The following DCLK1 variants were observed in gnomAD, a reference collection of about 807,000 sequenced individuals.
The protein encoded by DCLK1 is doublecortin like kinase 1, also known as serine/threonine-protein kinase DCLK1.
A neutral mutation model predicts 86.2 loss-of-function variants in DCLK1; 16 were observed. That is an observed-to-expected ratio of 0.19 (90% confidence interval 0.13 to 0.28). DCLK1 has a LOEUF of 0.28. DCLK1 is among the 10% of genes least tolerant of loss of function. The probability of loss-of-function intolerance (pLI) is 1.00; values close to 1 mark genes in which losing one functional copy is unlikely to be tolerated. For synonymous variants in DCLK1, 369 were observed against 370.5 expected (o/e 1.00, Z 0.05); for missense variants, 590 against 940.2 (o/e 0.63, Z 4.87).
At chr13:35,869,255 T>C (rs1198530303) in intron 5 of DCLK1, 1 of 393,154 alleles carries the variant, frequency 2.5e-6, no homozygotes, top group Non-Finnish European at 5.2e-6. Flanking sequence ...GTGGAGGTCC[T>C]CTTCTCTGTG....
chr13:35,839,757 A>T lies in DCLK1; in HGVS notation c.1036-581T>A, dbSNP rs527840088. Among the ~76,000 whole-genome samples the T allele has an allele frequency of 3.3e-5, 5 of 150,350 alleles. No individual in the cohort carries two copies. The South Asian group carries it at 1.1e-3, about 32-fold the overall frequency. On this transcript the variant is annotated intron_variant, in intron 6 of 16. Transcript: ENST00000360631. ...TGTTAAACGTTACATAATAAGTCTG[A>T]AGTAAAGACAACAATAAAAGCCTAG...
chr13:35,775,582 C>A (rs1030394282), intron 16 of DCLK1, among the ~76,000 whole-genome samples: 4 of 151,990 alleles, frequency 2.6e-5, no homozygotes, highest in East Asian at 3.9e-4. Flanking sequence ...TACAGAGAAA[C>A]CTTACACAGA....
intron 10 of DCLK1, among the ~76,000 whole-genome samples, chr13:35,824,934 C>T (rs2087484210): frequency 6.6e-6 from 1 of 152,096 alleles, no homozygotes; most frequent in African/African-American, 2.4e-5. Context: ...CTGAAGTGTC[C>T]CATCCCCTCC....
intron 8 of DCLK1, 46 bp downstream of exon 8, chr13:35,835,987 G>T: frequency 7.3e-7 from 1 of 1,365,960 alleles, no homozygotes; most frequent in Non-Finnish European, 1.0e-6. Context: ...AAAACATAAC[G>T]CCAAATGTAA....
At chr13:35,978,350 C>T (rs532384557) in intron 3 of DCLK1, among the ~76,000 whole-genome samples, 196 of 151,630 alleles carry the variant, frequency 1.3e-3, no homozygotes, top group Non-Finnish European at 2.3e-3. Context: ...GAATTACAGG[C>T]ACGCGACATC....
In DCLK1 at chr13:35,808,228, G is replaced by T; in HGVS notation, c.1859C>A (p.Ala620Glu). Residue 620 changes from alanine to glutamate, a missense_variant, in exon 14 of 17, where the codon GCA becomes GAA. By Grantham distance (107) the Ala-to-Glu change is moderately radical. Around this residue, in one of 6 missense-constraint regions of DCLK1, gnomAD observed 146 missense variants for 190.2 expected, o/e 0.77. Transcript: ENST00000360631. ...SPYWDNVSDS[A>E]KELITMMLLV... ...AGGAAGGCACTGGACACCTACCTTT[G>T]CAGAATCGGAAACATTATCCCAGTA... The T allele has an allele frequency of 6.2e-7, 1 of 1,613,966 alleles. No homozygotes were observed. Among genetic ancestry groups the T allele is most frequent in the Non-Finnish European group, 8.5e-7 (1 of 1,179,898 alleles).
chr13:35,919,460 C>A (rs976340575), intron 4 of DCLK1, among the ~76,000 whole-genome samples: 18 of 151,982 alleles, frequency 1.2e-4, no homozygotes, highest in Non-Finnish European at 2.2e-4. Context: ...TATGCAGAGC[C>A]CAAATGTTTA....
At chr13:35,850,390 A>G (rs373294429) in intron 6 of DCLK1, 3 of 1,022,306 alleles carry the variant, frequency 2.9e-6, no homozygotes, top group African/African-American at 3.4e-5. Context: ...TTCTGGCTCT[A>G]TATTGCCACA....
intron 3 of DCLK1, among the ~76,000 whole-genome samples, chr13:35,959,958 T>C (rs1878369113): frequency 6.6e-6 from 1 of 152,112 alleles, no homozygotes; most frequent in South Asian, 2.1e-4. Context: ...TACATTCCTG[T>C]CCTGGGAAAG....
chr13:35,861,356 A>T (rs188093362), intron 5 of DCLK1, among the ~76,000 whole-genome samples: 2 of 152,192 alleles, frequency 1.3e-5, no homozygotes, highest in Admixed American at 1.3e-4. Context: ...TATGGTCATG[A>T]TAGGGGAATT....
intron 3 of DCLK1, among the ~76,000 whole-genome samples, chr13:36,047,133 A>G (rs559653637): frequency 1.3e-5 from 2 of 152,374 alleles, no homozygotes; most frequent in East Asian, 1.9e-4. Context: ...ACAATGAGAT[A>G]TCTCACACCT....
chr13:35,818,418 C>G (rs2087317900), intron 11 of DCLK1, among the ~76,000 whole-genome samples: 1 of 152,148 alleles, frequency 6.6e-6, no homozygotes, highest in Non-Finnish European at 1.5e-5. Context: ...AAAACAAGGA[C>G]CATGAGTTGC....
At chr13:35,854,722 A>T in intron 5 of DCLK1, 129 bp from the exon 6 acceptor site, 1 of 642,398 alleles carries the variant, frequency 1.6e-6, no homozygotes, top group Non-Finnish European at 2.3e-6. Flanking sequence ...ACCCTTCCAT[A>T]TGTACACTGA....
intron 4 of DCLK1, among the ~76,000 whole-genome samples, chr13:35,922,687 G>C (rs1268085444): frequency 6.6e-6 from 1 of 152,198 alleles, no homozygotes; most frequent in Non-Finnish European, 1.5e-5. Context: ...GATGGAGATA[G>C]AAAGGCATTG....
intron 4 of DCLK1, among the ~76,000 whole-genome samples, chr13:35,888,489 G>C (rs555994813): frequency 1.3e-5 from 2 of 152,178 alleles, no homozygotes; most frequent in Admixed American, 1.3e-4. Flanking sequence ...TACAACAAGG[G>C]GTCAAATGTG....
rs531000585 is a variant in DCLK1 at position 35,802,632 on chromosome 13, A to G, written c.1944+3067T>C. The stretch of plus-strand genomic sequence containing the variant: ...CAACGCATTACGTCTATCATGTTAA[A>G]ACATGCATTAGACACAAATACAAAA... On this transcript the variant is annotated intron_variant, in intron 15 of 16. Coordinates refer to ENST00000360631, the MANE Select transcript of DCLK1 (RefSeq NM_001330071.2). Among the ~76,000 whole-genome samples the G allele has an allele frequency of 2.0e-4, 31 of 152,364 alleles. No individual in the cohort carries two copies. In the South Asian group the frequency reaches 5.4e-3, roughly 26 times the overall value.
At chr13:36,005,182 A>G (rs1880896609) in intron 3 of DCLK1, among the ~76,000 whole-genome samples, 2 of 152,198 alleles carry the variant, frequency 1.3e-5, no homozygotes, top group Admixed American at 1.3e-4. Flanking sequence ...ATGTGTCCTG[A>G]AACATAAATA....
At chr13:36,072,540 T>C (rs1471941385) in intron 3 of DCLK1, among the ~76,000 whole-genome samples, 3 of 152,238 alleles carry the variant, frequency 2.0e-5, no homozygotes, top group East Asian at 1.9e-4. Flanking sequence ...TCCAGCGTTG[T>C]AGCCAACTGC....
chr13:35,853,246 C>T (rs1300439511), intron 6 of DCLK1, among the ~76,000 whole-genome samples: 1 of 152,166 alleles, frequency 6.6e-6, no homozygotes, highest in Non-Finnish European at 1.5e-5. Flanking sequence ...AATTATTGGG[C>T]TTTCTATCTG....
Sources: gnomAD v4.1 joint callset for allele counts (sites outside exome capture counted in the v4.1 genomes callset) on GRCh38, gnomAD v4.1.1 for gene constraint, gnomAD v4.1.1 regional missense constraint, MANE v1.5 for transcripts, NCBI Gene and HGNC (gene_info 2026-07-23, HGNC 2026-07-21) for gene names.